ANKRD17: variants seen among roughly 807,000 people sequenced by gnomAD.
ANKRD17 encodes ankyrin repeat domain-containing protein 17.
ANKRD17 carries 19 observed loss-of-function variants against 229.7 expected under a neutral mutation model. That is an observed-to-expected ratio of 0.08 (90% CI 0.06 to 0.12). The LOEUF (loss-of-function observed/expected upper bound fraction) is 0.12, where lower values mean the gene tolerates loss of function less well. Ranked by LOEUF, ANKRD17 falls within the 10% of genes least tolerant of loss-of-function variation. The probability of loss-of-function intolerance (pLI) is 1.00; values close to 1 mark genes in which losing one functional copy is unlikely to be tolerated. For synonymous variants in ANKRD17, 1,112 were observed against 1,146.1 expected, an observed-to-expected ratio of 0.97 and a Z score of 0.60; for missense variants, 2,176 against 3,176.8, an observed-to-expected ratio of 0.68 and a Z score of 7.57.
chr4:73,205,108 G>A (rs113050332), intron 1 of ANKRD17, among the ~76,000 whole-genome samples: 39 of 152,138 alleles, frequency 2.6e-4, no homozygotes, highest in African/African-American at 8.9e-4. Flanking sequence ...GAAGCTAGGA[G>A]TTAAAGACCA....
At chr4:73,127,653 G>C (rs1727649270) in intron 16 of ANKRD17, among the ~76,000 whole-genome samples, 1 of 152,092 alleles carries the variant, frequency 6.6e-6, no homozygotes, top group African/African-American at 2.4e-5. Context: ...AAATTACTTA[G>C]GAAATAATAA....
chr4:73,093,246 T>C (rs149012044), intron 28 of ANKRD17, among the ~76,000 whole-genome samples: 14 of 152,332 alleles, frequency 9.2e-5, no homozygotes, highest in Admixed American at 3.9e-4. Context: ...TAATTAAATA[T>C]AGCTTCCTAC....
At chr4:73,215,755 C>A (rs1412494909) in intron 1 of ANKRD17, among the ~76,000 whole-genome samples, 1 of 152,180 alleles carries the variant, frequency 6.6e-6, no homozygotes, top group Non-Finnish European at 1.5e-5. Flanking sequence ...GAAACTACCA[C>A]TTGTGGAGTT....
intron 24 of ANKRD17, among the ~76,000 whole-genome samples, chr4:73,104,901 T>C (rs913264825): frequency 6.6e-6 from 1 of 152,160 alleles, no homozygotes; most frequent in East Asian, 1.9e-4. Context: ...GTCTTAGATA[T>C]GTAAATTTCT....
chr4:73,125,420 T>C (rs978582773), intron 16 of ANKRD17, 108 bp from the exon 17 acceptor site: 2 of 818,284 alleles, frequency 2.4e-6, no homozygotes, highest in African/African-American at 3.5e-5. Flanking sequence ...TGTACCACTC[T>C]ACAATATCAA....
At chr4:73,243,840 A>G (rs949691106) in intron 1 of ANKRD17, among the ~76,000 whole-genome samples, 3 of 152,228 alleles carry the variant, frequency 2.0e-5, no homozygotes, top group Admixed American at 6.5e-5. Context: ...TTGTTGGTCA[A>G]TTCCTCAAAA....
At chr4:73,190,461 C>T (rs1338349427) in intron 1 of ANKRD17, among the ~76,000 whole-genome samples, 1 of 148,120 alleles carries the variant, frequency 6.8e-6, no homozygotes, top group Non-Finnish European at 1.5e-5. Context: ...AAATCGGGGA[C>T]AAGATACCCA....
chr4:73,098,369 T>C lies in ANKRD17; in HGVS notation c.4725A>G (p.Lys1575=), dbSNP rs1204322678. Reference sequence around the variant, plus strand: ...TAATTTGAACGTTTTCTGGAGTAATTTTATTTTTCCTGTTTTTCCTCTTTG... The same window carrying C: ...TAATTTGAACGTTTTCTGGAGTAATCTTATTTTTCCTGTTTTTCCTCTTTG... ...TSSKRKNRKN[K]ITPENVQIIF... Residue 1575 remains lysine (K), a synonymous_variant, in exon 26 of 34, where the codon AAA becomes AAG. Transcript: ENST00000358602. 6.2e-7 allele frequency: 1 copy of C among 1,614,202 alleles called. No individual in the cohort carries two copies. The highest frequency in any genetic ancestry group is 8.5e-7 in the Non-Finnish European group (1 of 1,180,034).
Position 73,100,976 on chromosome 4 carries a change from C to A in ANKRD17, c.4573+1400G>T, listed in dbSNP as rs1021012576. On this transcript the variant is annotated intron_variant, in intron 25 of 33. Coordinates refer to ENST00000358602, the MANE Select transcript of ANKRD17 (RefSeq NM_032217.5). ...GATTGAAAGTATTCAAAAAACAAAA[C>A]AAAAAACAAATACGAATTTAAAAAA... 7 of 984,104 alleles carry A rather than the reference C, an allele frequency of 7.1e-6. No individual in the cohort carries two copies. The African/African-American group carries it at 1.2e-4, about 17-fold the overall frequency. 61.0% of individuals were successfully genotyped at this position (984,104 alleles called of 1,614,324 possible).
chr4:73,179,470 G>A (rs1435518933), intron 1 of ANKRD17, among the ~76,000 whole-genome samples: 8 of 38,428 alleles, frequency 2.1e-4, no homozygotes, highest in African/African-American at 3.3e-4. Flanking sequence ...GTATATATGT[G>A]TGTGTGTGTG....
chr4:73,217,104 T>C (rs1296343056), intron 1 of ANKRD17, among the ~76,000 whole-genome samples: 2 of 152,208 alleles, frequency 1.3e-5, no homozygotes, highest in Non-Finnish European at 2.9e-5. Context: ...ATGGATAATA[T>C]ATGATGTAGA....
intron 33 of ANKRD17, 129 bp downstream of exon 33, chr4:73,076,811 C>G (rs1466602208): frequency 2.6e-6 from 3 of 1,138,806 alleles, no homozygotes; most frequent in Non-Finnish European, 3.7e-6. Context: ...TATATTGCAG[C>G]TATATTAGAT....
At chr4:73,101,351 T>C (rs1214324929) in intron 25 of ANKRD17, among the ~76,000 whole-genome samples, 1 of 152,152 alleles carries the variant, frequency 6.6e-6, no homozygotes, top group African/African-American at 2.4e-5. Context: ...GCAAATGTCA[T>C]TCTTGGGATG....
intron 1 of ANKRD17, among the ~76,000 whole-genome samples, chr4:73,256,258 T>C (rs568632389): frequency 6.6e-6 from 1 of 152,326 alleles, no homozygotes; most frequent in East Asian, 1.9e-4. Flanking sequence ...AAGGAATTAC[T>C]AAAAGTTCTG....
In ANKRD17 at chr4:73,098,302, T is replaced by C. The variant is rs1425890802; in HGVS notation, c.4792A>G (p.Lys1598Glu). Residue 1598 changes from lysine (K) to glutamate (E), a missense_variant, in exon 26 of 34, where the codon AAG becomes GAG. By Grantham distance (56) the Lys-to-Glu change is moderately conservative (BLOSUM62 1). Transcript: ENST00000358602. ...PLPISYSQPEKVNGESKSSST... is the reference protein window; with the variant it reads ...PLPISYSQPEEVNGESKSSST... The stretch of plus-strand genomic sequence containing the variant: ...CTGCTCTTGGACTCTCCATTCACCT[T>C]CTCTGGCTGACTGTATGAAATTGGT... 6.2e-7 allele frequency: 1 copy of C among 1,614,244 alleles called. No homozygotes were observed. Among genetic ancestry groups the C allele is most frequent in the Admixed American group, 1.7e-5 (1 of 60,032 alleles).
intron 1 of ANKRD17, among the ~76,000 whole-genome samples, chr4:73,195,603 G>A (rs920755738): frequency 5.3e-5 from 8 of 151,946 alleles, no homozygotes; most frequent in African/African-American, 1.9e-4. Context: ...CTGCCTCCCG[G>A]GTTCAAGCTA....
At chr4:73,144,721 GACA>G in intron 11 of ANKRD17, 21 bp downstream of exon 11, 1 of 1,486,790 alleles carries the variant, frequency 6.7e-7, no homozygotes, top group Non-Finnish European at 9.0e-7. Context: ...TTCAAAAAAA[GACA>G]ACTGTTTTAT....
intron 1 of ANKRD17, among the ~76,000 whole-genome samples, chr4:73,251,132 T>C (rs1744988055): frequency 6.6e-6 from 1 of 152,108 alleles, no homozygotes; most frequent in South Asian, 2.1e-4. Flanking sequence ...TTGACTCCTT[T>C]AAAAGATCAT....
At chr4:73,136,583 T>G (rs1489670980) in intron 15 of ANKRD17, among the ~76,000 whole-genome samples, 1 of 152,100 alleles carries the variant, frequency 6.6e-6, no homozygotes, top group Admixed American at 6.6e-5. Context: ...GTTTGAATCC[T>G]TAGGGATCCA....
Sources: allele counts gnomAD v4.1 joint callset (sites outside exome capture counted in the v4.1 genomes callset), GRCh38; gene constraint gnomAD v4.1.1; transcripts MANE v1.5; gene names NCBI Gene and HGNC (gene_info 2026-07-23, HGNC 2026-07-21).